The following ZNF460 variants were observed in gnomAD, a reference collection of about 807,000 sequenced individuals.
The protein encoded by ZNF460 is zinc finger protein 460.
In ZNF460, 1 loss-of-function variant was observed where a neutral mutation model predicts 8.4. The observed-to-expected ratio is 0.12, with a 90% CI of 0.04 to 0.56. The LOEUF is 0.56. Among genes scored for constraint, ZNF460 ranks in the 20% least tolerant of loss-of-function variants. ZNF460 has a pLI of 0.91. For synonymous variants in ZNF460, 262 were observed against 259.9 expected (o/e 1.01, Z -0.08); for missense variants, 477 against 714.8 (o/e 0.67, Z 3.79).
chr19:57,280,450 C>G, upstream of ZNF460: 1 of 300,070 alleles, frequency 3.3e-6, no homozygotes, highest in South Asian at 4.7e-5. Flanking sequence ...TCCGCTTCTT[C>G]GTGTGACGTC....
At position 57,292,185 on chromosome 19, in the gene ZNF460, A is replaced by G. The variant is rs1438061574; in HGVS notation, c.1644A>G (p.Ser548=). ...CTTCAATTGCCGCTCATTCCTCCTC[A>G]CTCGACATCAACGGATTCATAGTGG... is the stretch of plus-strand genomic sequence containing the variant. ...ETPSIAAHSS[S]LDINGFIVEE... is the part of the protein sequence containing the mutation. The change falls in exon 3 of 3, where the codon TCA becomes TCG. Residue 548 remains serine (S), a synonymous_variant. Coordinates refer to ENST00000360338, the MANE Select transcript of ZNF460 (RefSeq NM_006635.4). The G allele has an allele frequency of 1.2e-6, 2 of 1,613,846 alleles. No homozygotes were observed. Among genetic ancestry groups the G allele is most frequent in the African/African-American group, 1.3e-5 (1 of 74,906 alleles).
Position 57,292,053 on chromosome 19 carries a change from C to A in ZNF460, c.1512C>A (p.His504Gln), listed in dbSNP as rs143031251. Residue 504 changes from histidine to glutamine, a missense_variant, in exon 3 of 3, where the codon CAC becomes CAA. By Grantham distance (24) the His-to-Gln change is conservative. Around this residue, in one of 5 missense-constraint regions of ZNF460, gnomAD observed 83 missense variants for 82.3 expected, o/e 1.01. Coordinates refer to ENST00000360338, the MANE Select transcript of ZNF460 (RefSeq NM_006635.4). ...HQRIHTAEKSHEPIQSGNVSC... is the reference protein window; with the variant it reads ...HQRIHTAEKSQEPIQSGNVSC... The stretch of plus-strand genomic sequence containing the variant: ...GGATTCACACTGCAGAGAAGTCCCA[C>A]GAACCCATCCAGAGTGGGAACGTTT... 96 of 1,614,108 alleles carry A rather than the reference C, an allele frequency of 5.9e-5. No homozygotes were observed. Among genetic ancestry groups the A allele is most frequent in the Non-Finnish European group, 8.0e-5 (94 of 1,180,050 alleles).
At position 57,291,603 on chromosome 19, in the gene ZNF460, T is replaced by C; in HGVS notation, c.1062T>C (p.His354=). 1 of 1,611,738 alleles carries C rather than the reference T, an allele frequency of 6.2e-7. No individual in the cohort carries two copies. The highest frequency in any genetic ancestry group is 1.1e-5 in the South Asian group (1 of 90,936). The change falls in exon 3 of 3, where the codon CAT becomes CAC. Residue 354 remains histidine (H), a synonymous_variant. Transcript: ENST00000360338. This position sits in a 1 kb window ranked among gnomAD's most constrained non-coding sequence, Gnocchi z 8.4. ...AFNCRSHLKQ[H]ERIHTGEKPF... Reference sequence around the variant, plus strand: ...ACTGCAGGTCACACCTCAAGCAGCATGAGCGGATTCACACTGGTGAGAAGC... The same window carrying C: ...ACTGCAGGTCACACCTCAAGCAGCACGAGCGGATTCACACTGGTGAGAAGC...
In ZNF460 at chr19:57,280,488, A is replaced by G. The variant is rs2087828548; in HGVS notation, c.-319A>G. ...CTCCGTGGGCCGGTTTGGCCCTGAA[A>G]CAGTGTGGGGCCTAGAGCGCTGGGT... is the stretch of plus-strand genomic sequence containing the variant. On this transcript the variant is annotated 5_prime_UTR_variant, in exon 1 of 3. Coordinates refer to ENST00000360338, the MANE Select transcript of ZNF460 (RefSeq NM_006635.4). 1.0e-5 allele frequency: 4 copies of G among 390,878 alleles called. No homozygotes were observed. The South Asian group carries it at 1.4e-4, about 13-fold the overall frequency. The allele number at this position is 390,878 out of a possible 1,614,324, so 24.2% of individuals were successfully genotyped here. A position where few individuals can be genotyped will look rare whatever the true frequency, so the allele number is the denominator to read the frequency against.
intron 1 of ZNF460, among the ~76,000 whole-genome samples, chr19:57,282,548 C>T (rs995213637): frequency 6.6e-6 from 1 of 152,206 alleles, no homozygotes; most frequent in African/African-American, 2.4e-5. Context: ...CACTTCTCTG[C>T]CCTTGTCCAT....
At chr19:57,287,291 A>G (rs2087886484) in intron 2 of ZNF460, among the ~76,000 whole-genome samples, 1 of 152,018 alleles carries the variant, frequency 6.6e-6, no homozygotes. Context: ...ACTGCCATCC[A>G]TTTGTCCATT....
At position 57,292,321 on chromosome 19, in the gene ZNF460, A is replaced by G; in HGVS notation, c.*91A>G. ...TTTTTTAATATAACCACTGAAGAAA[A>G]TCTGTGGTGAGAGGAAACATCTTAC... On this transcript the variant is annotated 3_prime_UTR_variant, in exon 3 of 3. Coordinates refer to ENST00000360338, the MANE Select transcript of ZNF460 (RefSeq NM_006635.4). The G allele has an allele frequency of 7.6e-7, 1 of 1,323,206 alleles. No individual in the cohort carries two copies. Among genetic ancestry groups the G allele is most frequent in the South Asian group, 1.4e-5 (1 of 71,454 alleles). The allele number at this position is 1,323,206 out of a possible 1,614,324, so 82.0% of individuals were successfully genotyped here. A position where few individuals can be genotyped will look rare whatever the true frequency, so the allele number is the denominator to read the frequency against.
At position 57,292,271 on chromosome 19, in the gene ZNF460, C is replaced by A; in HGVS notation, c.*41C>A. 6.5e-7 allele frequency: 1 copy of A among 1,542,618 alleles called. No individual in the cohort carries two copies. The highest frequency in any genetic ancestry group is 1.2e-5 in the South Asian group (1 of 83,076). ...TTTTTACGTACACTTCAGTCAACAT[C>A]CAAGAATTCCTATTAGCGAAATAGT... On this transcript the variant is annotated 3_prime_UTR_variant, in exon 3 of 3. Coordinates refer to ENST00000360338, the MANE Select transcript of ZNF460 (RefSeq NM_006635.4).
At position 57,284,192 on chromosome 19, in the gene ZNF460, C is replaced by CTTTA. The variant is rs10558874; in HGVS notation, c.31-335_31-332dup. ...TTCAAGTGGCTTCCTGCCTAGGAGG[C>CTTTA]TTTATTTATTTATTTATTTATTTAT... On this transcript the variant is annotated intron_variant, in intron 1 of 2. Coordinates refer to ENST00000360338, the MANE Select transcript of ZNF460 (RefSeq NM_006635.4). Among the ~76,000 whole-genome samples the CTTTA allele has an allele frequency of 1.5e-3, 229 of 148,914 alleles. 1 individual carries two copies. The highest frequency in any genetic ancestry group is 5.0e-3 in the African/African-American group (203 of 40,552).
intron 2 of ZNF460, 85 bp from the exon 3 acceptor site, chr19:57,290,614 T>A (rs941685375): frequency 7.8e-7 from 1 of 1,279,094 alleles, no homozygotes; most frequent in Non-Finnish European, 1.1e-6. Flanking sequence ...ATCACTATTT[T>A]CATCTTATTG....
chr19:57,289,723 C>T (rs1600027964), intron 2 of ZNF460, among the ~76,000 whole-genome samples: 1 of 152,016 alleles, frequency 6.6e-6, no homozygotes, highest in Non-Finnish European at 1.5e-5. Context: ...CAAGAGTTGG[C>T]CAGGCACGGT....
rs202025641 is a variant in ZNF460 at position 57,291,326 on chromosome 19, A to G, written c.785A>G (p.Asn262Ser). ...TGCAGTGAATGTGGAAGGACCTTCA[A>G]TCGCGGGTCGCACCTTACACGGCAC... ...FVCSECGRTF[N>S]RGSHLTRHQR... Residue 262 changes from asparagine (N) to serine (S), a missense_variant, in exon 3 of 3, where the codon AAT becomes AGT. By Grantham distance (46) the Asn-to-Ser change is conservative. Transcript: ENST00000360338. This position sits in a 1 kb window ranked among gnomAD's most constrained non-coding sequence, Gnocchi z 8.4. 21 of 1,610,780 alleles carry G rather than the reference A, an allele frequency of 1.3e-5. No homozygotes were observed. The highest frequency in any genetic ancestry group is 1.0e-4 in the Admixed American group (6 of 59,638).
intron 1 of ZNF460, among the ~76,000 whole-genome samples, chr19:57,283,737 G>T (rs549502831): frequency 6.7e-6 from 1 of 150,020 alleles, no homozygotes; most frequent in South Asian, 2.1e-4. Flanking sequence ...CCTGACCTCA[G>T]GTAATTCATG....
chr19:57,287,004 T>C (rs1043508404), intron 2 of ZNF460, among the ~76,000 whole-genome samples: 1 of 151,744 alleles, frequency 6.6e-6, no homozygotes, highest in African/African-American at 2.4e-5. Context: ...GAATTTTTGC[T>C]TATGTATAAA....
intron 2 of ZNF460, among the ~76,000 whole-genome samples, chr19:57,286,892 A>T (rs1029457608): frequency 6.7e-6 from 1 of 148,442 alleles, no homozygotes; most frequent in East Asian, 2.1e-4. Context: ...TGAACTCAGG[A>T]GGCAGAGGTT....
In ZNF460 at chr19:57,290,680, T is replaced by G. The variant is rs370002768; in HGVS notation, c.158-19T>G. On this transcript the variant is annotated intron_variant, in intron 2 of 2. Coordinates refer to ENST00000360338, the MANE Select transcript of ZNF460 (RefSeq NM_006635.4). Reference sequence around the variant, plus strand: ...TGTACTATCTTAATAAGTTCTTTTGTGTATTGTGTTCCCTTCAGGTGACAG... The same window carrying G: ...TGTACTATCTTAATAAGTTCTTTTGGGTATTGTGTTCCCTTCAGGTGACAG... 4 of 1,592,354 alleles carry G rather than the reference T, an allele frequency of 2.5e-6. No individual in the cohort carries two copies. The African/African-American group carries it at 5.4e-5, about 22-fold the overall frequency.
chr19:57,292,758 C>G lies in ZNF460; in HGVS notation c.*528C>G, dbSNP rs1343294725. On this transcript the variant is annotated 3_prime_UTR_variant, in exon 3 of 3. Coordinates refer to ENST00000360338, the MANE Select transcript of ZNF460 (RefSeq NM_006635.4). ...TTTATTTTCCCTGTGTATACATTCACTGCTGTCCAGTGCTGTAGACAAACG... is the reference window on the plus strand; with the variant it reads ...TTTATTTTCCCTGTGTATACATTCAGTGCTGTCCAGTGCTGTAGACAAACG... 1.9e-5 allele frequency: 3 copies of G among 156,678 alleles called. No individual in the cohort carries two copies. The highest frequency in any genetic ancestry group is 7.2e-5 in the African/African-American group (3 of 41,450). The allele number at this position is 156,678 out of a possible 1,614,324, so 9.7% of individuals were successfully genotyped here.
chr19:57,289,438 C>G (rs935518575), intron 2 of ZNF460, among the ~76,000 whole-genome samples: 1 of 152,168 alleles, frequency 6.6e-6, no homozygotes, highest in Admixed American at 6.6e-5. Context: ...TATTCTATGT[C>G]CTAAGGCTAA....
At position 57,280,686 on chromosome 19, in the gene ZNF460, C is replaced by T. The variant is rs1039906263; in HGVS notation, c.-121C>T. Reference sequence around the variant, plus strand: ...CGTCTCCTCAGCCCCGACGCTGCGCCTTGGGCCTTGTGCGCATTTTTTTCG... The same window carrying T: ...CGTCTCCTCAGCCCCGACGCTGCGCTTTGGGCCTTGTGCGCATTTTTTTCG... On this transcript the variant is annotated 5_prime_UTR_variant, in exon 1 of 3. Transcript: ENST00000360338. 2.1e-6 allele frequency: 3 copies of T among 1,439,172 alleles called. No homozygotes were observed. The highest frequency in any genetic ancestry group is 1.9e-6 in the Non-Finnish European group (2 of 1,056,294). 89.2% of individuals were successfully genotyped at this position (1,439,172 alleles called of 1,614,324 possible). A position where few individuals can be genotyped will look rare whatever the true frequency, so the allele number is the denominator to read the frequency against.
Sources: allele counts gnomAD v4.1 joint callset (sites outside exome capture counted in the v4.1 genomes callset), GRCh38; gene constraint gnomAD v4.1.1; regional missense constraint gnomAD v4.1.1; non-coding constraint Gnocchi (gnomAD v3.1); transcripts MANE v1.5; gene names NCBI Gene and HGNC (gene_info 2026-07-23, HGNC 2026-07-21).